DIAPH2: variants seen among roughly 807,000 people sequenced by gnomAD.
DIAPH2 encodes diaphanous related formin 2.
A neutral mutation model predicts 92.7 loss-of-function variants in DIAPH2; 35 were observed. That is an observed-to-expected ratio of 0.38 (90% CI 0.29 to 0.50). The LOEUF (loss-of-function observed/expected upper bound fraction) is 0.50. Among genes scored for constraint, DIAPH2 ranks in the 20% least tolerant of loss-of-function variants. The pLI is 0.94. For synonymous variants in DIAPH2, 301 were observed against 280.4 expected (o/e 1.07, Z -0.73); for missense variants, 701 against 819.5 (o/e 0.86, Z 1.77).
chrX:96,985,852 T>G (rs2066027935), intron 17 of DIAPH2, among the ~76,000 whole-genome samples: 1 of 111,267 alleles, frequency 9.0e-6, no homozygotes, highest in Non-Finnish European at 1.9e-5. Context: ...CCTAATAGTC[T>G]TTGAAGTGTG....
chrX:97,400,065 T>C (rs1447695631), intron 25 of DIAPH2, among the ~76,000 whole-genome samples: 1 of 112,525 alleles, frequency 8.9e-6, no homozygotes, highest in Non-Finnish European at 1.9e-5. Context: ...TATGTAGACA[T>C]TGAATATTCA....
At chrX:96,722,254 G>A (rs1277446395) in intron 1 of DIAPH2, among the ~76,000 whole-genome samples, 1 of 110,701 alleles carries the variant, frequency 9.0e-6, no homozygotes, top group African/African-American at 3.3e-5. Flanking sequence ...CTACTTGGGA[G>A]GCTGAGGCAG....
intron 4 of DIAPH2, among the ~76,000 whole-genome samples, chrX:96,853,615 T>C (rs1454408527): frequency 9.0e-6 from 1 of 111,722 alleles, no homozygotes; most frequent in African/African-American, 3.2e-5. Context: ...ACCTATACTG[T>C]ACTGCTAAAG....
intron 24 of DIAPH2, among the ~76,000 whole-genome samples, chrX:97,354,266 T>C (rs6620264): frequency 0.39 from 43,571 of 110,889 alleles, 6,152 homozygotes; most frequent in East Asian, 0.66. Flanking sequence ...TCCTAATCCA[T>C]TCACCCCATT....
intron 3 of DIAPH2, among the ~76,000 whole-genome samples, chrX:96,753,969 T>C (rs750598541): frequency 3.6e-5 from 4 of 112,505 alleles, no homozygotes; most frequent in Non-Finnish European, 7.5e-5. Context: ...CTCCTATGCA[T>C]GCATTTTATT....
rs185245241 is a variant in DIAPH2, at chrX:97,066,375, A to G, written c.2051-6566A>G. ...AATATTCAGTACAGTAACATGCTGT[A>G]CAGGTTTGTAGCCTAGGAGCAATAG... On this transcript the variant is annotated intron_variant, in intron 17 of 26. Coordinates refer to ENST00000324765, the MANE Select transcript of DIAPH2 (RefSeq NM_006729.5). 6.5e-4 allele frequency among the ~76,000 whole-genome samples: 73 copies of G among 112,563 alleles called. 1 individual carries two copies. The East Asian group carries it at 0.019, about 29-fold the overall frequency.
intron 4 of DIAPH2, among the ~76,000 whole-genome samples, chrX:96,866,070 A>T (rs1001482156): frequency 1.8e-5 from 2 of 111,851 alleles, no homozygotes; most frequent in Non-Finnish European, 3.8e-5. Flanking sequence ...CTCCTGTATC[A>T]TATCGAGGGA....
chrX:96,988,249 T>C (rs1167907533), intron 17 of DIAPH2, among the ~76,000 whole-genome samples: 1 of 110,129 alleles, frequency 9.1e-6, no homozygotes, highest in Non-Finnish European at 1.9e-5. Context: ...GAGTTTCAGA[T>C]AGTATTGGTG....
chrX:97,290,509 G>C (rs2068581084), intron 23 of DIAPH2, among the ~76,000 whole-genome samples: 1 of 111,997 alleles, frequency 8.9e-6, no homozygotes, highest in Non-Finnish European at 1.9e-5. Flanking sequence ...ATATGAAAAT[G>C]TGGGGCCCTT....
chrX:96,799,395 C>T (rs1228803347), intron 4 of DIAPH2, among the ~76,000 whole-genome samples: 1 of 112,120 alleles, frequency 8.9e-6, no homozygotes, highest in Non-Finnish European at 1.9e-5. Flanking sequence ...TCTTTATGGC[C>T]AGAAGCAGAA....
chrX:97,411,949 T>C (rs1007643988), intron 25 of DIAPH2, among the ~76,000 whole-genome samples: 1 of 111,150 alleles, frequency 9.0e-6, no homozygotes, highest in African/African-American at 3.3e-5. Context: ...CACACAATAA[T>C]AATGGGAGAC....
At chrX:96,911,381 T>A (rs1415792785) in intron 5 of DIAPH2, among the ~76,000 whole-genome samples, 2 of 110,937 alleles carry the variant, frequency 1.8e-5, no homozygotes, top group African/African-American at 6.5e-5. Flanking sequence ...GAAGTAGAAG[T>A]AGAAGTAGAA....
At chrX:97,131,065 C>T (rs1296252845) in intron 21 of DIAPH2, among the ~76,000 whole-genome samples, 1 of 109,776 alleles carries the variant, frequency 9.1e-6, no homozygotes, top group Non-Finnish European at 1.9e-5. Flanking sequence ...GTGATCATGC[C>T]ACTGCACTCC....
intron 26 of DIAPH2, among the ~76,000 whole-genome samples, chrX:97,462,567 A>T (rs2070468767): frequency 8.9e-6 from 1 of 112,076 alleles, no homozygotes; most frequent in Non-Finnish European, 1.9e-5. Flanking sequence ...CTAATTATAG[A>T]ATATGCTCTA....
rs183916100 is a variant in DIAPH2, at chrX:97,331,843, T to C, written c.2845-16273T>C. The stretch of plus-strand genomic sequence containing the variant: ...ATCTTCAAACTAGACAACTAGAAGT[T>C]GGAATTCTAATGTCAGGGGTATCAA... On this transcript the variant is annotated intron_variant, in intron 23 of 26. Transcript: ENST00000324765. Among the ~76,000 whole-genome samples the C allele has an allele frequency of 7.3e-3, 811 of 111,704 alleles. 3 individuals carry two copies. The highest frequency in any genetic ancestry group is 0.012 in the Non-Finnish European group (630 of 53,043).
chrX:96,953,615 T>C (rs1228475047), intron 15 of DIAPH2: 2 of 112,101 alleles, frequency 1.8e-5, no homozygotes, highest in Non-Finnish European at 3.8e-5. Context: ...ACTTTGTATT[T>C]AGATAAATAA....
chrX:97,440,716 A>T (rs994860453), intron 26 of DIAPH2, among the ~76,000 whole-genome samples: 4 of 110,637 alleles, frequency 3.6e-5, no homozygotes, highest in Non-Finnish European at 5.7e-5. Flanking sequence ...AAAGAGAAAG[A>T]GCTTAATAAC....
intron 17 of DIAPH2, among the ~76,000 whole-genome samples, chrX:97,062,894 C>T (rs2066608623): frequency 9.3e-6 from 1 of 107,683 alleles, no homozygotes; most frequent in Middle Eastern, 4.8e-3. Context: ...AATAGCCAGG[C>T]ATGGTGGCAG....
intron 20 of DIAPH2, among the ~76,000 whole-genome samples, chrX:97,100,958 A>G (rs2066902012): frequency 8.9e-6 from 1 of 112,035 alleles, no homozygotes; most frequent in Non-Finnish European, 1.9e-5. Context: ...GAAAATCAGG[A>G]ATGTATGTTT....
Sources: gnomAD v4.1 joint callset for allele counts (sites outside exome capture counted in the v4.1 genomes callset) on GRCh38, gnomAD v4.1.1 for gene constraint, MANE v1.5 for transcripts, NCBI Gene and HGNC (gene_info 2026-07-23, HGNC 2026-07-21) for gene names.